FAF1: variants seen among roughly 807,000 people sequenced by gnomAD.
FAF1 encodes Fas associated factor 1, also known as FAS-associated factor 1.
A neutral mutation model predicts 92.5 loss-of-function variants in FAF1; 25 were observed. That is an observed-to-expected ratio of 0.27 (90% CI 0.20 to 0.38). The LOEUF (loss-of-function observed/expected upper bound fraction) is 0.38, where lower values mean the gene tolerates loss of function less well. FAF1 is among the 10% of genes least tolerant of loss of function. The pLI is 1.00. For synonymous variants in FAF1, 234 were observed against 273.2 expected (o/e 0.86, Z 1.42); for missense variants, 636 against 793.3 (o/e 0.80, Z 2.38).
Position 50,583,822 on chromosome 1 carries a change from A to C in FAF1, c.968-107T>G. 1.7e-6 allele frequency: 1 copy of C among 584,332 alleles called. No individual in the cohort carries two copies. The highest frequency in any genetic ancestry group is 2.9e-6 in the Non-Finnish European group (1 of 343,952). The allele number at this position is 584,332 out of a possible 1,614,324, so 36.2% of individuals were successfully genotyped here. ...CACATATAAGAAATATATTCAATCA[A>C]TAAAGAGGAAATAAAATTAAATTTT... On this transcript the variant is annotated intron_variant, in intron 10 of 18. Transcript: ENST00000396153. The surrounding 1 kb of genome is among the most constrained non-coding windows in gnomAD (Gnocchi z 4.2).
chr1:50,810,254 T>G lies in FAF1; in HGVS notation c.115-8577A>C, dbSNP rs1242816199. Among the ~76,000 whole-genome samples, 3 of 152,010 alleles carry G rather than the reference T, an allele frequency of 2.0e-5. 1 individual carries two copies. The highest frequency in any genetic ancestry group is 2.0e-4 in the Admixed American group (3 of 15,268). On this transcript the variant is annotated intron_variant, in intron 2 of 18. Coordinates refer to ENST00000396153, the MANE Select transcript of FAF1 (RefSeq NM_007051.3). ...TGGGCAACAAGAGCGAGACTCTGTC[T>G]CAAAACTAAAAAAATTAAAAAAAAT...
intron 15 of FAF1, among the ~76,000 whole-genome samples, chr1:50,492,683 G>T (rs1646853603): frequency 6.6e-6 from 1 of 152,012 alleles, no homozygotes; most frequent in South Asian, 2.1e-4. Flanking sequence ...ACCAATATTT[G>T]TGACCTATAA....
intron 15 of FAF1, among the ~76,000 whole-genome samples, chr1:50,503,318 AT>A (rs1360192204): frequency 1.3e-5 from 2 of 152,094 alleles, no homozygotes; most frequent in Admixed American, 6.6e-5. Context: ...TCCATAAAAA[AT>A]TGTATAGATA....
intron 2 of FAF1, among the ~76,000 whole-genome samples, chr1:50,843,830 A>T (rs1221030122): frequency 3.3e-5 from 5 of 152,102 alleles, no homozygotes; most frequent in African/African-American, 1.2e-4. Flanking sequence ...TGTGAACAGT[A>T]CTGCAATAAG....
At chr1:50,906,242 C>T (rs1235831499) in intron 1 of FAF1, among the ~76,000 whole-genome samples, 1 of 152,110 alleles carries the variant, frequency 6.6e-6, no homozygotes, top group East Asian at 1.9e-4. Context: ...GTCTACATCT[C>T]TGTTTTGGTA....
At chr1:50,718,396 A>G (rs988807400) in intron 6 of FAF1, among the ~76,000 whole-genome samples, 15 of 152,204 alleles carry the variant, frequency 9.9e-5, no homozygotes, top group African/African-American at 3.4e-4. Flanking sequence ...AAATAACATT[A>G]TATGTCCACT....
chr1:50,915,254 C>T (rs1384302007), intron 1 of FAF1, among the ~76,000 whole-genome samples: 4 of 151,778 alleles, frequency 2.6e-5, no homozygotes, highest in South Asian at 4.2e-4. Context: ...CCTGTAATCC[C>T]GGCTACTTGG....
chr1:50,935,936 A>C (rs1337333889), intron 1 of FAF1, among the ~76,000 whole-genome samples: 2 of 152,220 alleles, frequency 1.3e-5, no homozygotes, highest in African/African-American at 4.8e-5. Flanking sequence ...TACTAGTAAT[A>C]CTGAGATGAA....
At chr1:50,805,506 T>C (rs1006935345) in intron 2 of FAF1, among the ~76,000 whole-genome samples, 2 of 152,130 alleles carry the variant, frequency 1.3e-5, no homozygotes, top group Non-Finnish European at 2.9e-5. Context: ...ATGACATTCA[T>C]GGTGGGCTTT....
At chr1:50,838,587 TTAAATTA>T (rs1315905452) in intron 2 of FAF1, among the ~76,000 whole-genome samples, 1 of 148,584 alleles carries the variant, frequency 6.7e-6, no homozygotes, top group Non-Finnish European at 1.5e-5. Context: ...ATTATAAAAA[TTAAATTA>T]TAAATTATAA....
At chr1:50,886,142 T>G (rs948626904) in intron 1 of FAF1, among the ~76,000 whole-genome samples, 1 of 152,192 alleles carries the variant, frequency 6.6e-6, no homozygotes, top group African/African-American at 2.4e-5. Flanking sequence ...TATATTATTC[T>G]GTGTTTTTCT....
intron 1 of FAF1, among the ~76,000 whole-genome samples, chr1:50,954,701 G>C (rs1016717029): frequency 2.6e-5 from 4 of 151,894 alleles, no homozygotes; most frequent in Non-Finnish European, 5.9e-5. Context: ...ACCATGCCCG[G>C]CTAATTTGTG....
chr1:50,669,920 G>A (rs1039653705), intron 7 of FAF1, among the ~76,000 whole-genome samples: 1 of 152,196 alleles, frequency 6.6e-6, no homozygotes, highest in South Asian at 2.1e-4. Context: ...TCGGGAGTTC[G>A]AGACCAGCCT....
chr1:50,908,027 C>G (rs1644854345), intron 1 of FAF1, among the ~76,000 whole-genome samples: 1 of 152,202 alleles, frequency 6.6e-6, no homozygotes, highest in Non-Finnish European at 1.5e-5. Flanking sequence ...AAATTTCCCT[C>G]TACACACAGC....
At chr1:50,920,537 T>C (rs1486476506) in intron 1 of FAF1, among the ~76,000 whole-genome samples, 1 of 152,058 alleles carries the variant, frequency 6.6e-6, no homozygotes, top group Non-Finnish European at 1.5e-5. Context: ...AACAAAATAT[T>C]AGCAAATCAA....
chr1:50,913,929 T>G (rs1570133939), intron 1 of FAF1, among the ~76,000 whole-genome samples: 2 of 152,312 alleles, frequency 1.3e-5, no homozygotes, highest in East Asian at 3.9e-4. Context: ...GTTTTTCAGG[T>G]ATCCTACCAG....
At chr1:50,647,543 T>G (rs1654650955) in intron 8 of FAF1, among the ~76,000 whole-genome samples, 1 of 152,210 alleles carries the variant, frequency 6.6e-6, no homozygotes, top group Non-Finnish European at 1.5e-5. Context: ...GTCTGAAGTT[T>G]TCTTTTAACA....
Position 50,665,655 on chromosome 1 carries a change from T to A in FAF1, c.658-10127A>T, listed in dbSNP as rs1569715335. ...TTTTTGCACTACCAAGATAGCAGAG[T>A]TGAGTACATGTAACAGAGACTGCAT... On this transcript the variant is annotated intron_variant, in intron 7 of 18. Coordinates refer to ENST00000396153, the MANE Select transcript of FAF1 (RefSeq NM_007051.3). Among the ~76,000 whole-genome samples, 3 of 152,156 alleles carry A rather than the reference T, an allele frequency of 2.0e-5. No homozygotes were observed. In the South Asian group the frequency reaches 6.2e-4, roughly 32 times the overall value.
chr1:50,746,427 C>T (rs1244243029), intron 4 of FAF1, among the ~76,000 whole-genome samples: 1 of 148,788 alleles, frequency 6.7e-6, no homozygotes, highest in Non-Finnish European at 1.5e-5. Context: ...CCTCAGCCTC[C>T]CAAGTAGCTG....
Sources: gnomAD v4.1 joint callset for allele counts (sites outside exome capture counted in the v4.1 genomes callset) on GRCh38, gnomAD v4.1.1 for gene constraint, Gnocchi (gnomAD v3.1) non-coding constraint, MANE v1.5 for transcripts, NCBI Gene and HGNC (gene_info 2026-07-23, HGNC 2026-07-21) for gene names.